The following LTBP1 variants were observed in gnomAD, a reference collection of about 807,000 sequenced individuals.
LTBP1 encodes the protein latent transforming growth factor beta binding protein 1, also known as latent-transforming growth factor beta-binding protein 1.
A neutral mutation model predicts 207.6 loss-of-function variants in LTBP1; 129 were observed. That is an observed-to-expected ratio of 0.62 (90% CI 0.54 to 0.72). The LOEUF is 0.72. LTBP1 is among the 30% of genes least tolerant of loss of function. LTBP1 has a pLI of 0.00. For synonymous variants in LTBP1, 963 were observed against 833.7 expected (o/e 1.16, Z -2.67); for missense variants, 2,281 against 2,217.2 (o/e 1.03, Z -0.58).
intron 31 of LTBP1, among the ~76,000 whole-genome samples, chr2:33,369,056 A>G (rs1158387618): frequency 6.6e-6 from 1 of 152,180 alleles, no homozygotes; most frequent in Non-Finnish European, 1.5e-5. Context: ...ATTTCAGAAT[A>G]TTGCATAAAT....
At chr2:33,394,894 C>G (rs959622277) in intron 32 of LTBP1, among the ~76,000 whole-genome samples, 2 of 152,120 alleles carry the variant, frequency 1.3e-5, no homozygotes, top group Non-Finnish European at 2.9e-5. Flanking sequence ...CATTTAGCTG[C>G]CACTTACAAG....
intron 3 of LTBP1, chr2:33,062,961 G>C (rs1374330845): frequency 1.3e-5 from 2 of 152,104 alleles, no homozygotes; most frequent in African/African-American, 4.8e-5. Context: ...GTTTAATTCT[G>C]GAATTTTAAA....
At chr2:32,975,191 C>T (rs932704266) in intron 2 of LTBP1, among the ~76,000 whole-genome samples, 2 of 152,164 alleles carry the variant, frequency 1.3e-5, no homozygotes, top group Non-Finnish European at 2.9e-5. Flanking sequence ...TTTAAGAATA[C>T]TATATTTTGG....
At chr2:33,261,856 A>G (rs1340883585) in intron 13 of LTBP1, among the ~76,000 whole-genome samples, 7 of 152,214 alleles carry the variant, frequency 4.6e-5, no homozygotes, top group Admixed American at 4.6e-4. Flanking sequence ...TGAAGCCAGG[A>G]GAAGAGGATA....
chr2:33,157,682 G>T (rs1434016289), intron 5 of LTBP1, among the ~76,000 whole-genome samples: 1 of 152,196 alleles, frequency 6.6e-6, no homozygotes, highest in Non-Finnish European at 1.5e-5. Flanking sequence ...TGATGGTGCT[G>T]TACTGGAGAT....
intron 3 of LTBP1, among the ~76,000 whole-genome samples, chr2:33,060,873 T>A (rs748344792): frequency 1.3e-5 from 2 of 152,176 alleles, no homozygotes; most frequent in Non-Finnish European, 2.9e-5. Context: ...GGCAGCCTTT[T>A]CAAAAATTAA....
intron 5 of LTBP1, among the ~76,000 whole-genome samples, chr2:33,141,945 A>G (rs2082671422): frequency 6.6e-6 from 1 of 152,110 alleles, no homozygotes; most frequent in Admixed American, 6.5e-5. Flanking sequence ...TCTTTGGGTG[A>G]AAAAAAGGAT....
intron 2 of LTBP1, among the ~76,000 whole-genome samples, chr2:32,996,050 T>C (rs1236337685): frequency 1.3e-5 from 2 of 152,256 alleles, no homozygotes; most frequent in Non-Finnish European, 2.9e-5. Context: ...CGTATCGATA[T>C]AGTTACCAAG....
intron 3 of LTBP1, among the ~76,000 whole-genome samples, chr2:33,093,128 C>G (rs928046174): frequency 2.0e-5 from 3 of 152,208 alleles, no homozygotes; most frequent in Non-Finnish European, 4.4e-5. Flanking sequence ...TGAAGTGGAA[C>G]GTGTCTTTCA....
intron 9 of LTBP1, among the ~76,000 whole-genome samples, chr2:33,233,333 T>G (rs1240451774): frequency 6.6e-6 from 1 of 152,158 alleles, no homozygotes; most frequent in Non-Finnish European, 1.5e-5. Flanking sequence ...CATTTTTAAT[T>G]TTAAGACTGT....
intron 3 of LTBP1, among the ~76,000 whole-genome samples, chr2:33,087,084 C>CTTT (rs35334788): frequency 0.095 from 8,251 of 87,020 alleles, 719 homozygotes; most frequent in Admixed American, 0.14. Context: ...CTCCTTTATG[C>CTTT]TTTTTTTTTT....
intron 3 of LTBP1, among the ~76,000 whole-genome samples, chr2:33,036,586 T>C (rs2075937746): frequency 6.6e-6 from 1 of 152,092 alleles, no homozygotes; most frequent in Non-Finnish European, 1.5e-5. Context: ...GCCTCCCAAG[T>C]AGCTGGGATT....
At chr2:33,096,247 A>AC (rs2150082628) in intron 3 of LTBP1, among the ~76,000 whole-genome samples, 1 of 152,292 alleles carries the variant, frequency 6.6e-6, no homozygotes, top group African/African-American at 2.4e-5. Context: ...TAGAAAATAA[A>AC]CTATCTATAC....
At chr2:33,291,327 G>T (rs1019243505) in intron 19 of LTBP1, among the ~76,000 whole-genome samples, 1 of 152,170 alleles carries the variant, frequency 6.6e-6, no homozygotes, top group Admixed American at 6.5e-5. Context: ...ATATTCTACA[G>T]CCTTATAAAT....
chr2:33,292,669 C>T (rs1004194240), intron 19 of LTBP1, among the ~76,000 whole-genome samples: 5 of 152,190 alleles, frequency 3.3e-5, no homozygotes, highest in Admixed American at 3.3e-4. Context: ...TATGGATTCA[C>T]TGCCATTTTA....
chr2:33,184,903 C>T (rs182838193), intron 5 of LTBP1, among the ~76,000 whole-genome samples: 73 of 151,708 alleles, frequency 4.8e-4, no homozygotes, highest in Admixed American at 9.9e-4. Flanking sequence ...GAGAAGTAGT[C>T]AGTCAGTTGT....
intron 20 of LTBP1, among the ~76,000 whole-genome samples, chr2:33,298,672 T>C (rs1038946013): frequency 1.3e-5 from 2 of 152,214 alleles, no homozygotes; most frequent in Admixed American, 1.3e-4. Flanking sequence ...ATCTTTAAAA[T>C]GAAAGTTACC....
At chr2:33,102,109 C>T (rs2079773062) in intron 3 of LTBP1, among the ~76,000 whole-genome samples, 2 of 152,290 alleles carry the variant, frequency 1.3e-5, no homozygotes, top group Admixed American at 6.5e-5. Flanking sequence ...TCCTCCTTCT[C>T]CAGGGTCGAA....
chr2:33,029,513 A>T (rs1280046129), intron 3 of LTBP1, among the ~76,000 whole-genome samples: 2 of 152,214 alleles, frequency 1.3e-5, no homozygotes, highest in Admixed American at 6.5e-5. Flanking sequence ...TTATTTGAGC[A>T]TAATGAAAAA....
Sources: allele counts gnomAD v4.1 joint callset (sites outside exome capture counted in the v4.1 genomes callset), GRCh38; gene constraint gnomAD v4.1.1; transcripts MANE v1.5; gene names NCBI Gene and HGNC (gene_info 2026-07-23, HGNC 2026-07-21).